The following SYTL5 variants were observed in gnomAD, a reference collection of about 807,000 sequenced individuals.
SYTL5 encodes synaptotagmin-like protein 5.
In SYTL5, 34 loss-of-function variants were observed where a neutral mutation model predicts 55.9. The observed-to-expected ratio is 0.61, with a 90% CI of 0.46 to 0.81. SYTL5 has a LOEUF of 0.81. Ranked by LOEUF, SYTL5 falls within the 30% of genes least tolerant of loss-of-function variation. The pLI is 0.00. For synonymous variants in SYTL5, 221 were observed against 188.7 expected (o/e 1.17, Z -1.40); for missense variants, 637 against 546.7 (o/e 1.17, Z -1.65).
At chrX:38,097,635 A>G (rs1056630241) in intron 9 of SYTL5, among the ~76,000 whole-genome samples, 2 of 110,650 alleles carry the variant, frequency 1.8e-5, no homozygotes, top group African/African-American at 6.5e-5. Context: ...ATTCTCTCCA[A>G]ATAAATTTGT....
At chrX:37,967,651 T>C in the SYTL5 span, among the ~76,000 whole-genome samples, 1 of 111,634 alleles carries the variant, frequency 9.0e-6, no homozygotes, top group Non-Finnish European at 1.9e-5. Flanking sequence ...TTTCTGTCCC[T>C]TTCTATATCT....
the SYTL5 span, among the ~76,000 whole-genome samples, chrX:37,911,548 T>G: frequency 0.036 from 4,060 of 111,258 alleles, 192 homozygotes; most frequent in African/African-American, 0.13. Context: ...GATTAACCAT[T>G]CTAGAGATTT....
chrX:37,951,144 A>T, the SYTL5 span, among the ~76,000 whole-genome samples: 1 of 111,095 alleles, frequency 9.0e-6, no homozygotes, highest in Admixed American at 9.6e-5. Flanking sequence ...TCTGACTAAG[A>T]AGCCCTGTTC....
the SYTL5 span, among the ~76,000 whole-genome samples, chrX:37,951,558 G>A: frequency 9.0e-6 from 1 of 111,116 alleles, no homozygotes; most frequent in Non-Finnish European, 1.9e-5. Flanking sequence ...TCATTATACT[G>A]TGGTAAGTAC....
At chrX:38,113,022 T>C (rs1323064590) in intron 13 of SYTL5, among the ~76,000 whole-genome samples, 2 of 112,373 alleles carry the variant, frequency 1.8e-5, no homozygotes, top group Non-Finnish European at 3.8e-5. Context: ...GGTGCCTTAT[T>C]GCTTATTGAC....
At chrX:37,963,374 T>C in the SYTL5 span, among the ~76,000 whole-genome samples, 2 of 107,051 alleles carry the variant, frequency 1.9e-5, no homozygotes, top group African/African-American at 6.8e-5. Flanking sequence ...CTGCAACCTC[T>C]GCCTCTTGGG....
At chrX:37,929,829 T>C in the SYTL5 span, among the ~76,000 whole-genome samples, 3 of 112,120 alleles carry the variant, frequency 2.7e-5, no homozygotes, top group Non-Finnish European at 5.6e-5. Context: ...ATGAGAGACG[T>C]GAAAACTATA....
the SYTL5 span, among the ~76,000 whole-genome samples, chrX:37,998,466 G>C: frequency 8.9e-6 from 1 of 111,856 alleles, no homozygotes; most frequent in East Asian, 2.8e-4. Flanking sequence ...CTTGTCGTGC[G>C]CCTGGTCCAG....
At chrX:37,903,435 C>T in the SYTL5 span, among the ~76,000 whole-genome samples, 6 of 107,527 alleles carry the variant, frequency 5.6e-5, no homozygotes, top group East Asian at 1.5e-3. Context: ...TCATTCTCAG[C>T]AAACTATTGC....
chrX:38,076,423 G>A (rs1936391525), intron 5 of SYTL5, 144 bp from the exon 6 acceptor site: 2 of 468,954 alleles, frequency 4.3e-6, no homozygotes, highest in South Asian at 8.6e-5. Flanking sequence ...AGAGGCACTG[G>A]GAACTCTCCA....
At chrX:37,901,998 A>G in the SYTL5 span, among the ~76,000 whole-genome samples, 1 of 112,500 alleles carries the variant, frequency 8.9e-6, no homozygotes. Flanking sequence ...ATTATCTATA[A>G]CAAATAGTAT....
At chrX:38,068,169 T>C in intron 3 of SYTL5, among the ~76,000 whole-genome samples, 1 of 112,080 alleles carries the variant, frequency 8.9e-6, no homozygotes, top group Non-Finnish European at 1.9e-5. Flanking sequence ...AACAAGCATA[T>C]GAAAAAAATA....
At chrX:38,064,130 T>C (rs1320235379) in intron 3 of SYTL5, among the ~76,000 whole-genome samples, 1 of 111,233 alleles carries the variant, frequency 9.0e-6, no homozygotes, top group East Asian at 2.8e-4. Flanking sequence ...TTCTGAGTTG[T>C]GACATAAAAT....
intron 9 of SYTL5, among the ~76,000 whole-genome samples, chrX:38,101,706 C>A (rs1489966225): frequency 9.3e-6 from 1 of 107,140 alleles, no homozygotes; most frequent in African/African-American, 3.4e-5. Context: ...ATGATATAAT[C>A]AAAAATATTG....
intron 10 of SYTL5, among the ~76,000 whole-genome samples, chrX:38,104,913 G>A (rs961675140): frequency 6.2e-5 from 7 of 112,082 alleles, no homozygotes; most frequent in East Asian, 2.8e-4. Flanking sequence ...AAAACCTCGC[G>A]TAGTACCAAA....
the SYTL5 span, among the ~76,000 whole-genome samples, chrX:37,902,436 A>T: frequency 1.2e-4 from 13 of 112,165 alleles, no homozygotes; most frequent in South Asian, 3.7e-4. Context: ...ATATTATTTT[A>T]AAAAAATTGT....
Position 38,120,403 on chromosome X carries a change from A to G in SYTL5, c.1642A>G (p.Thr548Ala), listed in dbSNP as rs1268763848. Residue 548 changes from threonine (T) to alanine (A), a missense_variant, in exon 14 of 17, where the codon ACA becomes GCA. Physicochemically the swap from Thr to Ala is moderately conservative, Grantham distance 58. Coordinates refer to ENST00000297875, the MANE Select transcript of SYTL5 (RefSeq NM_138780.3). ...DIGLQYKGEL[T>A]VVLRYIPPEE... ...TGGCCTTCAATACAAAGGAGAGCTGACAGTTGTTTTACGTTACATTCCCCC... is the reference window on the plus strand; with the variant it reads ...TGGCCTTCAATACAAAGGAGAGCTGGCAGTTGTTTTACGTTACATTCCCCC... The G allele has an allele frequency of 2.5e-6, 3 of 1,209,653 alleles. No individual in the cohort carries two copies. The highest frequency in any genetic ancestry group is 3.0e-5 in the East Asian group (1 of 33,774).
At chrX:38,020,659 A>G (rs1196411292) in intron 1 of SYTL5, among the ~76,000 whole-genome samples, 1 of 108,564 alleles carries the variant, frequency 9.2e-6, no homozygotes, top group East Asian at 2.9e-4. Flanking sequence ...GAAGCCAGAG[A>G]CCTCTGGGTA....
chrX:38,018,034 A>G (rs755996196), intron 1 of SYTL5, among the ~76,000 whole-genome samples: 2 of 109,392 alleles, frequency 1.8e-5, no homozygotes, highest in Non-Finnish European at 3.8e-5. Flanking sequence ...TCAGACCCCC[A>G]GTAAAGTTTG....
Sources: allele counts gnomAD v4.1 joint callset (sites outside exome capture counted in the v4.1 genomes callset), GRCh38; gene constraint gnomAD v4.1.1; transcripts MANE v1.5; gene names NCBI Gene and HGNC (gene_info 2026-07-23, HGNC 2026-07-21).